The following FAM135B variants were observed in gnomAD, a reference collection of about 807,000 sequenced individuals.
FAM135B encodes protein FAM135B.
FAM135B carries 43 observed loss-of-function variants against 127.7 expected under a neutral mutation model. The observed-to-expected ratio is 0.34, with a 90% CI of 0.26 to 0.43. The LOEUF is 0.43. Ranked by LOEUF, FAM135B falls within the 20% of genes least tolerant of loss-of-function variation. The pLI, the probability that FAM135B is intolerant of heterozygous loss-of-function variation, is 1.00. For missense variants in FAM135B, 1,558 were observed against 1,725.6 expected, an observed-to-expected ratio of 0.90 and a Z score of 1.72; for synonymous variants, 670 against 665.1, an observed-to-expected ratio of 1.01 and a Z score of -0.11.
At chr8:138,173,961 T>C (rs1010565440) in intron 11 of FAM135B, among the ~76,000 whole-genome samples, 7 of 152,196 alleles carry the variant, frequency 4.6e-5, no homozygotes, top group Non-Finnish European at 1.0e-4. Context: ...GATTATTTGT[T>C]AACACTTTTT....
intron 3 of FAM135B, among the ~76,000 whole-genome samples, chr8:138,293,729 T>C (rs1199670255): frequency 1.3e-5 from 2 of 152,068 alleles, no homozygotes; most frequent in Admixed American, 6.6e-5. Flanking sequence ...TGAATATTAT[T>C]AAAAAGTCAA....
chr8:138,132,157 T>C lies in FAM135B; in HGVS notation c.*436A>G, dbSNP rs182894157. The C allele has an allele frequency of 5.6e-6, 1 of 179,082 alleles. No individual in the cohort carries two copies. Among genetic ancestry groups the C allele is most frequent in the Admixed American group, 5.6e-5 (1 of 17,768 alleles). 11.1% of individuals were successfully genotyped at this position (179,082 alleles called of 1,614,324 possible). ...TATTTACACAAATATGTTCCACTGCTGCACAGAGATTAACCTGAGTTCTGA... is the reference window on the plus strand; with the variant it reads ...TATTTACACAAATATGTTCCACTGCCGCACAGAGATTAACCTGAGTTCTGA... On this transcript the variant is annotated 3_prime_UTR_variant, in exon 20 of 20. Coordinates refer to ENST00000395297, the MANE Select transcript of FAM135B (RefSeq NM_015912.4). This position sits in a 1 kb window ranked among gnomAD's most constrained non-coding sequence, Gnocchi z 4.5.
intron 1 of FAM135B, chr8:138,441,007 C>T (rs973873062): frequency 6.6e-6 from 1 of 152,198 alleles, no homozygotes; most frequent in African/African-American, 2.4e-5. Context: ...ACAGTTAGCG[C>T]CTGCACCAAG....
At chr8:138,277,578 C>A (rs1199081287) in intron 3 of FAM135B, among the ~76,000 whole-genome samples, 2 of 152,158 alleles carry the variant, frequency 1.3e-5, no homozygotes, top group African/African-American at 4.8e-5. Context: ...GCATGTAAGC[C>A]CCTTAGCTCG....
At chr8:138,195,683 T>C (rs1462832625) in intron 8 of FAM135B, among the ~76,000 whole-genome samples, 1 of 152,042 alleles carries the variant, frequency 6.6e-6, no homozygotes, top group Non-Finnish European at 1.5e-5. Context: ...CAGGTATACA[T>C]CTGTGCATCA....
intron 1 of FAM135B, among the ~76,000 whole-genome samples, chr8:138,429,160 T>C (rs1440182996): frequency 1.3e-5 from 2 of 152,070 alleles, no homozygotes; most frequent in African/African-American, 2.4e-5. Flanking sequence ...TCTGGGAAGG[T>C]TTCCTATTCC....
chr8:138,180,619 T>G (rs1814930140), intron 9 of FAM135B, among the ~76,000 whole-genome samples: 1 of 152,160 alleles, frequency 6.6e-6, no homozygotes, highest in Non-Finnish European at 1.5e-5. Context: ...TTGGGTAAAG[T>G]GAGACATCCA....
At chr8:138,335,414 C>A (rs1444164162) in intron 2 of FAM135B, among the ~76,000 whole-genome samples, 2 of 152,102 alleles carry the variant, frequency 1.3e-5, no homozygotes, top group Non-Finnish European at 2.9e-5. Context: ...TACAAATTAT[C>A]TACAAAGAAA....
chr8:138,491,598 C>T (rs1426274348), intron 1 of FAM135B, among the ~76,000 whole-genome samples: 3 of 151,912 alleles, frequency 2.0e-5, no homozygotes, highest in East Asian at 1.9e-4. Flanking sequence ...GGCAATCCTA[C>T]GTTCACTCAT....
intron 1 of FAM135B, among the ~76,000 whole-genome samples, chr8:138,489,516 T>C (rs527494534): frequency 1.3e-5 from 2 of 152,336 alleles, no homozygotes; most frequent in Non-Finnish European, 2.9e-5. Context: ...TTTTCTCCAA[T>C]GCATTCTTTA....
intron 1 of FAM135B, among the ~76,000 whole-genome samples, chr8:138,374,133 T>A (rs1277879069): frequency 6.6e-6 from 1 of 152,168 alleles, no homozygotes; most frequent in African/African-American, 2.4e-5. Context: ...CCTATTGACA[T>A]GTGATGTCTC....
intron 1 of FAM135B, among the ~76,000 whole-genome samples, chr8:138,457,297 G>A (rs968784805): frequency 4.6e-5 from 7 of 152,112 alleles, no homozygotes; most frequent in Admixed American, 2.0e-4. Context: ...TGGCAGAGAC[G>A]GCTGGAGATG....
chr8:138,354,588 G>A (rs1259497720), intron 2 of FAM135B, among the ~76,000 whole-genome samples: 2 of 152,102 alleles, frequency 1.3e-5, no homozygotes, highest in Non-Finnish European at 2.9e-5. Flanking sequence ...ACTTCCACCT[G>A]TCTCTCTTAC....
intron 1 of FAM135B, among the ~76,000 whole-genome samples, chr8:138,418,404 C>A (rs1408112704): frequency 2.0e-5 from 3 of 151,944 alleles, no homozygotes; most frequent in Non-Finnish European, 4.4e-5. Context: ...CCCAACCTTA[C>A]TAGAAAGGTC....
intron 1 of FAM135B, among the ~76,000 whole-genome samples, chr8:138,454,412 C>A (rs1317272154): frequency 6.6e-6 from 1 of 152,106 alleles, no homozygotes; most frequent in African/African-American, 2.4e-5. Context: ...AGTCTTAGTG[C>A]GGCTGGCAGA....
Position 138,274,173 on chromosome 8 carries a change from G to A in FAM135B, c.158-8331C>T, listed in dbSNP as rs185386765. On this transcript the variant is annotated intron_variant, in intron 3 of 19. Coordinates refer to ENST00000395297, the MANE Select transcript of FAM135B (RefSeq NM_015912.4). ...TCTATCCAATCATCGGCACATTATC[G>A]GGGAACCTGCCCCGATATTCACGTA... 6.9e-4 allele frequency among the ~76,000 whole-genome samples: 105 copies of A among 152,050 alleles called. 1 individual carries two copies. Among genetic ancestry groups the A allele is most frequent in the African/African-American group, 2.3e-3 (94 of 41,464 alleles).
intron 1 of FAM135B, among the ~76,000 whole-genome samples, chr8:138,396,786 C>T (rs900299179): frequency 1.4e-4 from 21 of 152,264 alleles, no homozygotes; most frequent in African/African-American, 2.9e-4. Flanking sequence ...CATCTCCCCA[C>T]GCACAGAGCA....
chr8:138,219,724 T>G (rs1045520960), intron 7 of FAM135B, among the ~76,000 whole-genome samples: 4 of 152,100 alleles, frequency 2.6e-5, no homozygotes, highest in Non-Finnish European at 5.9e-5. Flanking sequence ...AATGACTCAC[T>G]TTACCTCCCT....
rs528838079 is a variant in FAM135B, at chr8:138,242,532, G to A, written c.669+410C>T. On this transcript the variant is annotated intron_variant, in intron 7 of 19. Coordinates refer to ENST00000395297, the MANE Select transcript of FAM135B (RefSeq NM_015912.4). The surrounding 1 kb of genome is among the most constrained non-coding windows in gnomAD (Gnocchi z 9.6). ...CACTCCATGAGATTATTAGCTATTGGGGAGCCCACTCTACAGGTGGGAAAA... is the reference window on the plus strand; with the variant it reads ...CACTCCATGAGATTATTAGCTATTGAGGAGCCCACTCTACAGGTGGGAAAA... 1.3e-5 allele frequency among the ~76,000 whole-genome samples: 2 copies of A among 152,138 alleles called. No homozygotes were observed. Among genetic ancestry groups the A allele is most frequent in the East Asian group, 3.9e-4 (2 of 5,160 alleles).
Sources: allele counts gnomAD v4.1 joint callset (sites outside exome capture counted in the v4.1 genomes callset), GRCh38; gene constraint gnomAD v4.1.1; non-coding constraint Gnocchi (gnomAD v3.1); transcripts MANE v1.5; gene names NCBI Gene and HGNC (gene_info 2026-07-23, HGNC 2026-07-21).